The following SESTD1 variants were observed in gnomAD, a reference collection of about 807,000 sequenced individuals.
SESTD1 encodes the protein SEC14 domain and spectrin repeat-containing protein 1.
In SESTD1, 43 loss-of-function variants were observed where a neutral mutation model predicts 101.7. That is an observed-to-expected ratio of 0.42 (90% confidence interval 0.33 to 0.55). SESTD1 has a LOEUF of 0.55. Among genes scored for constraint, SESTD1 ranks in the 20% least tolerant of loss-of-function variants. SESTD1 has a pLI of 0.07. For missense variants in SESTD1, 647 were observed against 815.1 expected (o/e 0.79, Z 2.51); for synonymous variants, 283 against 286.8 (o/e 0.99, Z 0.13).
chr2:179,261,047 A>T (rs548527307), intron 1 of SESTD1, among the ~76,000 whole-genome samples: 63 of 152,328 alleles, frequency 4.1e-4, no homozygotes, highest in Middle Eastern at 3.4e-3. Context: ...ATATACACAT[A>T]CATACTATTC....
rs2044414754 is a variant in SESTD1, at chr2:179,107,735, T to C, written c.*2164A>G. The C allele has an allele frequency of 6.6e-6, 1 of 152,172 alleles. No homozygotes were observed. The highest frequency in any genetic ancestry group is 6.6e-5 in the Admixed American group (1 of 15,266). The allele number at this position is 152,172 out of a possible 1,614,324, so 9.4% of individuals were successfully genotyped here. A position where few individuals can be genotyped will look rare whatever the true frequency, so the allele number is the denominator to read the frequency against. On this transcript the variant is annotated 3_prime_UTR_variant, in exon 18 of 18. Coordinates refer to ENST00000428443, the MANE Select transcript of SESTD1 (RefSeq NM_178123.5). ...CATTCATATTTAGGAGGAATGGGCA[T>C]CTGTTATGCATGAGCAAGACTGGGA...
intron 8 of SESTD1, among the ~76,000 whole-genome samples, chr2:179,145,212 A>G (rs2045367944): frequency 1.3e-5 from 2 of 152,142 alleles, no homozygotes; most frequent in Admixed American, 1.3e-4. Flanking sequence ...CTACTTTGAC[A>G]ATTGTCACCC....
chr2:179,129,338 TTTTAAA>T (rs2154394266), intron 10 of SESTD1, among the ~76,000 whole-genome samples: 1 of 152,374 alleles, frequency 6.6e-6, no homozygotes, highest in African/African-American at 2.4e-5. Flanking sequence ...ACTAAACTGC[TTTTAAA>T]TTTATTGTCA....
chr2:179,238,268 GC>G (rs1559156803), intron 1 of SESTD1, among the ~76,000 whole-genome samples: 1 of 152,006 alleles, frequency 6.6e-6, no homozygotes, highest in African/African-American at 2.4e-5. Context: ...TAGAAGAAAA[GC>G]CACATAAAGT....
At chr2:179,199,721 T>C (rs865876290) in intron 1 of SESTD1, among the ~76,000 whole-genome samples, 60 of 152,300 alleles carry the variant, frequency 3.9e-4, no homozygotes, top group Middle Eastern at 6.8e-3. Flanking sequence ...ATTATTTCAA[T>C]AGATGCAGAA....
At chr2:179,223,882 A>T (rs144310584) in intron 1 of SESTD1, among the ~76,000 whole-genome samples, 1 of 152,228 alleles carries the variant, frequency 6.6e-6, no homozygotes, top group Non-Finnish European at 1.5e-5. Context: ...CTCAAGGGAA[A>T]ATTATAAAGG....
intron 1 of SESTD1, among the ~76,000 whole-genome samples, chr2:179,236,179 C>A (rs140759149): frequency 3.0e-4 from 46 of 151,946 alleles, no homozygotes; most frequent in African/African-American, 1.1e-3. Flanking sequence ...ACTCAAATAG[C>A]GTTTATTACA....
At position 179,249,533 on chromosome 2, in the gene SESTD1, GACATA is replaced by G. The variant is rs1307100278; in HGVS notation, c.-26+14961_-26+14965del. On this transcript the variant is annotated intron_variant, in intron 1 of 17. Transcript: ENST00000428443. ...ATCAAAGAGCTATAAAACATTGAGA[GACATA>G]ACATGTTCATGGATTTGCAGACTCA... Among the ~76,000 whole-genome samples, 4 of 152,204 alleles carry G rather than the reference GACATA, an allele frequency of 2.6e-5. No individual in the cohort carries two copies. The East Asian group carries it at 5.8e-4, about 22-fold the overall frequency.
At chr2:179,142,184 T>C (rs1027433810) in intron 9 of SESTD1, among the ~76,000 whole-genome samples, 1 of 152,208 alleles carries the variant, frequency 6.6e-6, no homozygotes, top group Non-Finnish European at 1.5e-5. Flanking sequence ...GCTCTTGTAC[T>C]ATAATGGAAG....
Position 179,108,718 on chromosome 2 carries a change from A to C in SESTD1, c.*1181T>G, listed in dbSNP as rs1429943405. On this transcript the variant is annotated 3_prime_UTR_variant, in exon 18 of 18. Coordinates refer to ENST00000428443, the MANE Select transcript of SESTD1 (RefSeq NM_178123.5). ...ACTAAAAAATAATTTTTAATATTTT[A>C]AAAAATGTTCTGAAATAAAAATACA... 1 of 152,090 alleles carries C rather than the reference A, an allele frequency of 6.6e-6. No individual in the cohort carries two copies. Among genetic ancestry groups the C allele is most frequent in the Non-Finnish European group, 1.5e-5 (1 of 68,006 alleles). 9.4% of individuals were successfully genotyped at this position (152,090 alleles called of 1,614,324 possible).
chr2:179,199,756 C>A (rs964877072), intron 1 of SESTD1, among the ~76,000 whole-genome samples: 2 of 152,150 alleles, frequency 1.3e-5, no homozygotes, highest in Non-Finnish European at 1.5e-5. Context: ...AATTCAACAA[C>A]CCTTCATGCT....
chr2:179,134,340 A>G lies in SESTD1; in HGVS notation c.850-1914T>C, dbSNP rs541403210. 1.5e-3 allele frequency among the ~76,000 whole-genome samples: 225 copies of G among 152,302 alleles called. 2 individuals carry two copies. The highest frequency in any genetic ancestry group is 3.1e-3 in the South Asian group (15 of 4,830). ...ATTTTTCCACTTGGCTATTGTTATT[A>G]TAACATAATTTTCAATGACTTTGCA... On this transcript the variant is annotated intron_variant, in intron 9 of 17. Transcript: ENST00000428443.
At chr2:179,177,230 C>T (rs1051231665) in intron 3 of SESTD1, among the ~76,000 whole-genome samples, 8 of 152,110 alleles carry the variant, frequency 5.3e-5, no homozygotes, top group East Asian at 1.9e-4. Flanking sequence ...CCTAGTAAAA[C>T]GCAACAACTT....
At chr2:179,224,398 A>T (rs1252891956) in intron 1 of SESTD1, among the ~76,000 whole-genome samples, 2 of 152,322 alleles carry the variant, frequency 1.3e-5, no homozygotes, top group East Asian at 3.9e-4. Flanking sequence ...TTTAAACCTA[A>T]GGCTAAGTCC....
chr2:179,136,427 T>C (rs958986928), intron 9 of SESTD1, among the ~76,000 whole-genome samples: 3 of 152,186 alleles, frequency 2.0e-5, no homozygotes, highest in African/African-American at 7.2e-5. Flanking sequence ...TATCCGACAC[T>C]TTAAGAAACA....
chr2:179,263,039 T>A (rs1316106463), intron 1 of SESTD1, among the ~76,000 whole-genome samples: 1 of 152,186 alleles, frequency 6.6e-6, no homozygotes, highest in Non-Finnish European at 1.5e-5. Context: ...GGGGAAAAAC[T>A]AGAGTGGGCC....
At chr2:179,237,170 T>TAATTTACATTATTA (rs2047080990) in intron 1 of SESTD1, among the ~76,000 whole-genome samples, 1 of 152,020 alleles carries the variant, frequency 6.6e-6, no homozygotes, top group African/African-American at 2.4e-5. Context: ...TATTTTCTAA[T>TAATTTACATTATTA]CCTAAAACAG....
At chr2:179,262,720 T>C (rs1160752412) in intron 1 of SESTD1, among the ~76,000 whole-genome samples, 1 of 152,238 alleles carries the variant, frequency 6.6e-6, no homozygotes, top group East Asian at 1.9e-4. Flanking sequence ...AACAAGTCCT[T>C]ATAAAAATAC....
At chr2:179,239,244 A>T (rs993648128) in intron 1 of SESTD1, among the ~76,000 whole-genome samples, 5 of 152,260 alleles carry the variant, frequency 3.3e-5, no homozygotes, top group African/African-American at 7.2e-5. Context: ...ATTTTTTTTT[A>T]AATCTTTGAG....
Sources: allele counts gnomAD v4.1 joint callset (sites outside exome capture counted in the v4.1 genomes callset), GRCh38; gene constraint gnomAD v4.1.1; transcripts MANE v1.5; gene names NCBI Gene and HGNC (gene_info 2026-07-23, HGNC 2026-07-21).